Variants in RARA observed in about 807,000 individuals in gnomAD.
RARA encodes the protein retinoic acid receptor alpha, also known as PML-DDX5-RARA fusion.
In RARA, 5 loss-of-function variants were observed where a neutral mutation model predicts 42.8. The observed-to-expected ratio is 0.12, with a 90% CI of 0.06 to 0.25. RARA has a LOEUF of 0.25. RARA is among the 10% of genes least tolerant of loss of function. The pLI is 1.00. For synonymous variants in RARA, 256 were observed against 259.5 expected (o/e 0.99, Z 0.13); for missense variants, 402 against 628.7 (o/e 0.64, Z 3.86).
chr17:40,348,030 G>T (rs968175485), intron 2 of RARA: 2 of 311,360 alleles, frequency 6.4e-6, no homozygotes, highest in Non-Finnish European at 1.2e-5. Flanking sequence ...TACTCCCCAA[G>T]CACAGTCACG....
chr17:40,333,663 G>T (rs1003730261), intron 2 of RARA, among the ~76,000 whole-genome samples: 5 of 150,968 alleles, frequency 3.3e-5, no homozygotes, highest in Non-Finnish European at 7.4e-5. Flanking sequence ...TTCTCATAGG[G>T]TCTCACTCTG....
chr17:40,352,129 G>A lies in RARA; in HGVS notation c.630+59G>A. 1.3e-6 allele frequency: 2 copies of A among 1,483,362 alleles called. No homozygotes were observed. Among genetic ancestry groups the A allele is most frequent in the South Asian group, 1.4e-5 (1 of 73,336 alleles). The allele number at this position is 1,483,362 out of a possible 1,614,324, so 91.9% of individuals were successfully genotyped here. A position where few individuals can be genotyped will look rare whatever the true frequency, so the allele number is the denominator to read the frequency against. ...TGCCCAGGGCCACAGGGCCAGGATG[G>A]GCCCCTCTCAGGCACCCCTTCTTGT... On this transcript the variant is annotated intron_variant, in intron 5 of 8. Coordinates refer to ENST00000254066, the MANE Select transcript of RARA (RefSeq NM_000964.4). The surrounding 1 kb of genome is among the most constrained non-coding windows in gnomAD (Gnocchi z 4.9).
At chr17:40,325,374 C>G (rs1001093708) in intron 1 of RARA, among the ~76,000 whole-genome samples, 1 of 152,064 alleles carries the variant, frequency 6.6e-6, no homozygotes, top group Non-Finnish European at 1.5e-5. Context: ...CCCGAGTGGC[C>G]GGATTGTAGG....
chr17:40,320,329 G>C lies in RARA; in HGVS notation c.-362-10528G>C, dbSNP rs2033340261. ...CCTTCCTACTCCCAACCTTGAGGCA[G>C]CCTGGCAGGAAGCCAGCTGTGGGCA... On this transcript the variant is annotated intron_variant, in intron 1 of 8. Coordinates refer to ENST00000254066, the MANE Select transcript of RARA (RefSeq NM_000964.4). This position sits in a 1 kb window ranked among gnomAD's most constrained non-coding sequence, Gnocchi z 4.1. Among the ~76,000 whole-genome samples, 1 of 152,148 alleles carries C rather than the reference G, an allele frequency of 6.6e-6. No homozygotes were observed. Among genetic ancestry groups the C allele is most frequent in the South Asian group, 2.1e-4 (1 of 4,826 alleles).
intron 2 of RARA, chr17:40,342,954 G>C: frequency 6.6e-7 from 1 of 1,517,256 alleles, no homozygotes; most frequent in Non-Finnish European, 8.8e-7. Context: ...AGAGTCCCGG[G>C]GTGTAGTGGA....
At chr17:40,310,626 G>A (rs2033078815) in intron 1 of RARA, among the ~76,000 whole-genome samples, 1 of 152,178 alleles carries the variant, frequency 6.6e-6, no homozygotes, top group Non-Finnish European at 1.5e-5. Flanking sequence ...GGAAAGTAGA[G>A]ATTCTGACTG....
intron 1 of RARA, among the ~76,000 whole-genome samples, chr17:40,330,200 A>C (rs1174498292): frequency 2.0e-5 from 3 of 152,132 alleles, no homozygotes; most frequent in African/African-American, 4.8e-5. Flanking sequence ...TGGGGGTAGG[A>C]GGCTTCCTGG....
chr17:40,348,050 C>A, intron 2 of RARA: 2 of 366,342 alleles, frequency 5.5e-6, no homozygotes, highest in Non-Finnish European at 9.8e-6. Context: ...GGCACACATA[C>A]AAATGTGATG....
chr17:40,309,801 G>A (rs542177811), intron 1 of RARA, among the ~76,000 whole-genome samples: 2 of 152,314 alleles, frequency 1.3e-5, no homozygotes, highest in South Asian at 4.1e-4. Context: ...CACTTGGGTG[G>A]CTAAAGGCTT....
chr17:40,356,634 C>G lies in RARA; in HGVS notation c.*408C>G, dbSNP rs367819767. The G allele has an allele frequency of 1.8e-6, 1 of 541,732 alleles. No homozygotes were observed. The allele number at this position is 541,732 out of a possible 1,614,324, so 33.6% of individuals were successfully genotyped here. ...CTCCCCAGCTGGGGAACCTCAACCT[C>G]CCCCCTGCCTCGGTTGGTGACAGAG... On this transcript the variant is annotated 3_prime_UTR_variant, in exon 9 of 9. Coordinates refer to ENST00000254066, the MANE Select transcript of RARA (RefSeq NM_000964.4).
intron 2 of RARA, chr17:40,340,891 T>C (rs964407606): frequency 2.5e-6 from 1 of 400,108 alleles, no homozygotes; most frequent in African/African-American, 2.1e-5. Flanking sequence ...CTACTCTTTA[T>C]TATTAGTAAT....
chr17:40,324,089 A>C (rs2033470182), intron 1 of RARA, among the ~76,000 whole-genome samples: 1 of 151,280 alleles, frequency 6.6e-6, no homozygotes, highest in Non-Finnish European at 1.5e-5. Flanking sequence ...CATGGAGGGG[A>C]GGTAGTGGTG....
intron 1 of RARA, among the ~76,000 whole-genome samples, chr17:40,315,167 T>TAC (rs1299638664): frequency 6.9e-5 from 8 of 116,030 alleles, no homozygotes; most frequent in African/African-American, 2.1e-4. Context: ...TATATATATA[T>TAC]ATATACACAC....
rs985304337 is a variant in RARA, at chr17:40,351,847, T to TGGG, written c.470-60_470-58dup. 3 of 1,567,426 alleles carry TGGG rather than the reference T, an allele frequency of 1.9e-6. No individual in the cohort carries two copies. The highest frequency in any genetic ancestry group is 2.6e-6 in the Non-Finnish European group (3 of 1,164,322). Reference sequence around the variant, plus strand: ...AGCAGCTGGCAGCTCTCTGTCAGGCTGGGGGTGGACGAGGCCCTGAGCAGC... The same window carrying TGGG: ...AGCAGCTGGCAGCTCTCTGTCAGGCTGGGGGGGGTGGACGAGGCCCTGAGCAGC... On this transcript the variant is annotated intron_variant, in intron 4 of 8. Coordinates refer to ENST00000254066, the MANE Select transcript of RARA (RefSeq NM_000964.4). This position sits in a 1 kb window ranked among gnomAD's most constrained non-coding sequence, Gnocchi z 4.1.
At chr17:40,323,589 T>C (rs912981013) in intron 1 of RARA, among the ~76,000 whole-genome samples, 2 of 151,822 alleles carry the variant, frequency 1.3e-5, no homozygotes, top group Non-Finnish European at 2.9e-5. Context: ...CGCTCTTCTC[T>C]AAGGGGAAGG....
intron 1 of RARA, among the ~76,000 whole-genome samples, chr17:40,322,013 AGG>A (rs2033402807): frequency 6.6e-6 from 1 of 152,030 alleles, no homozygotes; most frequent in East Asian, 1.9e-4. Context: ...TGGCAGGGCT[AGG>A]GGTGTGGGGG....
chr17:40,315,171 T>TACACAC (rs71355449), intron 1 of RARA, among the ~76,000 whole-genome samples: 32 of 76,560 alleles, frequency 4.2e-4, no homozygotes, highest in African/African-American at 8.2e-4. Flanking sequence ...TATATATATA[T>TACACAC]ACACACACAC....
Position 40,355,899 on chromosome 17 carries a change from A to G in RARA, c.1172-110A>G. On this transcript the variant is annotated intron_variant, in intron 8 of 8. Transcript: ENST00000254066. This position sits in a 1 kb window ranked among gnomAD's most constrained non-coding sequence, Gnocchi z 4.1. ...GTGTCAAAGAACTGAATCCCAAGAA[A>G]GATGCTAATATCAGCAGTATTGATC... 1.0e-6 allele frequency: 1 copy of G among 953,040 alleles called. No individual in the cohort carries two copies. The highest frequency in any genetic ancestry group is 1.7e-5 in the African/African-American group (1 of 60,150). The allele number at this position is 953,040 out of a possible 1,614,324, so 59.0% of individuals were successfully genotyped here.
rs141710567 is a variant in RARA, at chr17:40,348,300, C to T, written c.179-16C>T. 2.3e-3 allele frequency: 3,525 copies of T among 1,558,404 alleles called. 81 individuals are homozygous for T. In the Admixed American group the frequency reaches 0.031, roughly 14 times the overall value. Reference sequence around the variant, plus strand: ...GACCTAGGTCTCTAACTGCCCCTCCCCTCTTCTCTCTCTAGCCATTGAGAC... The same window carrying T: ...GACCTAGGTCTCTAACTGCCCCTCCTCTCTTCTCTCTCTAGCCATTGAGAC... On this transcript the variant is annotated splice_polypyrimidine_tract_variant and intron_variant, in intron 2 of 8. Coordinates refer to ENST00000254066, the MANE Select transcript of RARA (RefSeq NM_000964.4).
Sources: gnomAD v4.1 joint callset for allele counts (sites outside exome capture counted in the v4.1 genomes callset) on GRCh38, gnomAD v4.1.1 for gene constraint, Gnocchi (gnomAD v3.1) non-coding constraint, MANE v1.5 for transcripts, NCBI Gene and HGNC (gene_info 2026-07-23, HGNC 2026-07-21) for gene names.